The following CSMD1 variants were observed in gnomAD, a reference collection of about 807,000 sequenced individuals.
The protein encoded by CSMD1 is CUB and Sushi multiple domains 1, also known as CUB and sushi domain-containing protein 1.
A neutral mutation model predicts 417.5 loss-of-function variants in CSMD1; 213 were observed. That is an observed-to-expected ratio of 0.51 (90% CI 0.46 to 0.57). CSMD1 has a LOEUF of 0.57. Among genes scored for constraint, CSMD1 ranks in the 20% least tolerant of loss-of-function variants. The probability of loss-of-function intolerance (pLI) is 0.00; values close to 1 mark genes in which losing one functional copy is unlikely to be tolerated. For synonymous variants in CSMD1, 2,862 were observed against 1,736.8 expected, an observed-to-expected ratio of 1.65 and a Z score of -16.11; for missense variants, 6,923 against 4,529.7, an observed-to-expected ratio of 1.53 and a Z score of -15.17.
In CSMD1 at chr8:4,807,659, C is replaced by T. The variant is rs548388182; in HGVS notation, c.86-170101G>A. ...ATGAATATACATAATACTGTACATG[C>T]ACACGTACATACATGTGTAGATACA... is the stretch of plus-strand genomic sequence containing the variant. On this transcript the variant is annotated intron_variant, in intron 1 of 69. Coordinates refer to ENST00000635120, the MANE Select transcript of CSMD1 (RefSeq NM_033225.6). 1.1e-3 allele frequency among the ~76,000 whole-genome samples: 172 copies of T among 152,254 alleles called. 2 individuals carry two copies. Among genetic ancestry groups the T allele is most frequent in the African/African-American group, 4.0e-3 (168 of 41,528 alleles).
chr8:4,461,336 C>T (rs1161128286), intron 2 of CSMD1, among the ~76,000 whole-genome samples: 1 of 151,610 alleles, frequency 6.6e-6, no homozygotes. Flanking sequence ...AATTCTATTC[C>T]ACAGCATACT....
At chr8:3,819,968 T>C (rs1219072720) in intron 5 of CSMD1, among the ~76,000 whole-genome samples, 2 of 152,144 alleles carry the variant, frequency 1.3e-5, no homozygotes, top group African/African-American at 2.4e-5. Flanking sequence ...GTTTCCCGAA[T>C]TGCTGTCCCC....
chr8:4,635,041 C>A (rs1036239957), intron 2 of CSMD1, among the ~76,000 whole-genome samples: 1 of 152,090 alleles, frequency 6.6e-6, no homozygotes, highest in African/African-American at 2.4e-5. Flanking sequence ...AAGATGAAAG[C>A]AACATCCTAA....
intron 23 of CSMD1, among the ~76,000 whole-genome samples, chr8:3,343,075 AT>A (rs368239524): frequency 5.9e-5 from 9 of 152,310 alleles, no homozygotes; most frequent in African/African-American, 2.2e-4. Context: ...AGGTCCAACT[AT>A]TTTGTTATTT....
At chr8:4,766,381 T>A (rs1300745815) in intron 1 of CSMD1, among the ~76,000 whole-genome samples, 1 of 152,180 alleles carries the variant, frequency 6.6e-6, no homozygotes, top group African/African-American at 2.4e-5. Context: ...GGTTTGTGGA[T>A]TGAACGAGAA....
At chr8:3,699,095 A>G (rs1800711381) in intron 7 of CSMD1, among the ~76,000 whole-genome samples, 1 of 152,184 alleles carries the variant, frequency 6.6e-6, no homozygotes, top group Admixed American at 6.5e-5. Flanking sequence ...TCTTCAAATG[A>G]CCTTCCTAAA....
At chr8:3,439,978 A>T (rs1003126728) in intron 12 of CSMD1, among the ~76,000 whole-genome samples, 5 of 152,030 alleles carry the variant, frequency 3.3e-5, no homozygotes, top group African/African-American at 1.2e-4. Flanking sequence ...CTGTGGGTTT[A>T]TTCCTGGGCT....
intron 2 of CSMD1, among the ~76,000 whole-genome samples, chr8:4,427,987 G>A (rs1157265282): frequency 6.6e-6 from 1 of 152,064 alleles, no homozygotes; most frequent in Non-Finnish European, 1.5e-5. Flanking sequence ...CACCTCATTG[G>A]CCCAGTAGTA....
At chr8:4,030,396 G>T (rs117009341) in intron 4 of CSMD1, among the ~76,000 whole-genome samples, 9 of 152,116 alleles carry the variant, frequency 5.9e-5, no homozygotes, top group Non-Finnish European at 1.2e-4. Context: ...CTACACATTC[G>T]CAGGCTCAAC....
intron 6 of CSMD1, among the ~76,000 whole-genome samples, chr8:3,713,641 G>A (rs1220403898): frequency 6.6e-6 from 1 of 152,156 alleles, no homozygotes; most frequent in Admixed American, 6.5e-5. Context: ...ATGACTCACT[G>A]TCTGAAAGAA....
At chr8:3,668,745 G>C (rs901983199) in intron 7 of CSMD1, among the ~76,000 whole-genome samples, 2 of 152,140 alleles carry the variant, frequency 1.3e-5, no homozygotes, top group Admixed American at 1.3e-4. Flanking sequence ...GCCAACGCTA[G>C]GGAAGACCCA....
chr8:3,976,479 G>C (rs1255819546), intron 5 of CSMD1, among the ~76,000 whole-genome samples: 1 of 152,158 alleles, frequency 6.6e-6, no homozygotes, highest in Non-Finnish European at 1.5e-5. Flanking sequence ...GTCTAGAAGT[G>C]TGACTAACAC....
At chr8:4,161,688 A>G (rs1266215217) in intron 3 of CSMD1, among the ~76,000 whole-genome samples, 1 of 152,206 alleles carries the variant, frequency 6.6e-6, no homozygotes, top group Non-Finnish European at 1.5e-5. Context: ...ACAATTTAGC[A>G]GAAAAATCTG....
At chr8:4,593,623 T>C (rs1368632810) in intron 2 of CSMD1, among the ~76,000 whole-genome samples, 1 of 152,166 alleles carries the variant, frequency 6.6e-6, no homozygotes, top group Admixed American at 6.6e-5. Flanking sequence ...TTTTATGATT[T>C]TTGTGATCCG....
At chr8:4,735,973 G>C (rs1442764036) in intron 1 of CSMD1, among the ~76,000 whole-genome samples, 4 of 152,144 alleles carry the variant, frequency 2.6e-5, no homozygotes, top group East Asian at 3.9e-4. Context: ...ACACTTTCCT[G>C]AACTGAGTTC....
chr8:3,719,011 G>T (rs759499002), intron 6 of CSMD1, among the ~76,000 whole-genome samples: 1 of 152,086 alleles, frequency 6.6e-6, no homozygotes, highest in Admixed American at 6.6e-5. Context: ...GAGACAACGC[G>T]CTCAGAAACA....
intron 7 of CSMD1, among the ~76,000 whole-genome samples, chr8:3,704,590 C>T (rs975614189): frequency 2.6e-5 from 4 of 152,164 alleles, no homozygotes; most frequent in Admixed American, 6.5e-5. Flanking sequence ...AAGCAGCAAC[C>T]CATTTGAGAT....
intron 1 of CSMD1, among the ~76,000 whole-genome samples, chr8:4,818,945 T>A (rs1485392998): frequency 6.6e-6 from 1 of 152,204 alleles, no homozygotes. Context: ...CCAAGACCTG[T>A]AATTTATATT....
At chr8:3,998,260 T>C (rs1211238383) in intron 4 of CSMD1, 150 bp from the exon 5 acceptor site, 1 of 649,316 alleles carries the variant, frequency 1.5e-6, no homozygotes, top group Non-Finnish European at 2.6e-6. Flanking sequence ...TTTTGGTATG[T>C]TAATGAGTTC....
Sources: gnomAD v4.1 joint callset for allele counts (sites outside exome capture counted in the v4.1 genomes callset) on GRCh38, gnomAD v4.1.1 for gene constraint, MANE v1.5 for transcripts, NCBI Gene and HGNC (gene_info 2026-07-23, HGNC 2026-07-21) for gene names.